HECW1: variants seen among roughly 807,000 people sequenced by gnomAD.
HECW1 encodes the protein E3 ubiquitin-protein ligase HECW1.
HECW1 carries 61 observed loss-of-function variants against 182.3 expected under a neutral mutation model. The ratio of observed to expected loss-of-function variants is 0.33; its 90% CI spans 0.27 to 0.41. HECW1 has a LOEUF of 0.41. Ranked by LOEUF, HECW1 falls within the 10% of genes least tolerant of loss-of-function variation. The pLI is 1.00. For synonymous variants in HECW1, 859 were observed against 832.6 expected, an observed-to-expected ratio of 1.03 and a Z score of -0.55; for missense variants, 1,739 against 2,108.9, an observed-to-expected ratio of 0.82 and a Z score of 3.44.
At chr7:43,473,126 T>A (rs2078085743) in intron 16 of HECW1, among the ~76,000 whole-genome samples, 1 of 152,168 alleles carries the variant, frequency 6.6e-6, no homozygotes, top group Non-Finnish European at 1.5e-5. Context: ...TAGAGCTGGT[T>A]GTTAAAAACA....
At chr7:43,501,166 C>G in intron 20 of HECW1, 47 bp from the exon 21 acceptor site, 1 of 1,166,252 alleles carries the variant, frequency 8.6e-7, no homozygotes, top group Non-Finnish European at 1.2e-6. Flanking sequence ...GGATGTAAAA[C>G]TGACTTTCTT....
At position 43,322,892 on chromosome 7, in the gene HECW1, G is replaced by A. The variant is rs1423560197; in HGVS notation, c.460+2150G>A. On this transcript the variant is annotated intron_variant, in intron 5 of 29. Transcript: ENST00000395891. ...AATAGACATAAGAACCCATTTTAAG[G>A]TCACAGTAAAGTAGCAGTTCTCAAT... Among the ~76,000 whole-genome samples, 5 of 152,274 alleles carry A rather than the reference G, an allele frequency of 3.3e-5. No homozygotes were observed. In the East Asian group the frequency reaches 9.6e-4, roughly 29 times the overall value.
rs2076998390 is a variant in HECW1, at chr7:43,444,912, G to A, written c.1740G>A (p.Glu580=). The A allele has an allele frequency of 1.3e-6, 2 of 1,599,516 alleles. No individual in the cohort carries two copies. The highest frequency in any genetic ancestry group is 1.7e-5 in the Admixed American group (1 of 59,182). Residue 580 remains glutamate, a synonymous_variant, in exon 11 of 30, where the codon GAG becomes GAA. Transcript: ENST00000395891. This position sits in a 1 kb window ranked among gnomAD's most constrained non-coding sequence, Gnocchi z 4.3. ...CCGCCCAGGGCGGCAGCGCGGCAGA[G>A]GAGGAGGACGGCGCGGAGGAGGAGT... is the stretch of plus-strand genomic sequence containing the variant. ...MPSAQGGSAA[E]EEDGAEEEST...
chr7:43,165,704 T>C (rs1166922744), intron 2 of HECW1, among the ~76,000 whole-genome samples: 1 of 152,186 alleles, frequency 6.6e-6, no homozygotes, highest in Non-Finnish European at 1.5e-5. Context: ...AGTAATAGTT[T>C]CCTTACAATC....
At chr7:43,513,515 T>C (rs1011877985) in intron 24 of HECW1, among the ~76,000 whole-genome samples, 5 of 152,176 alleles carry the variant, frequency 3.3e-5, no homozygotes, top group Non-Finnish European at 7.3e-5. Flanking sequence ...TTTGTATCCA[T>C]TGGAATAGAG....
intron 8 of HECW1, among the ~76,000 whole-genome samples, chr7:43,424,837 T>A (rs1044703741): frequency 1.3e-5 from 2 of 152,168 alleles, no homozygotes; most frequent in Non-Finnish European, 2.9e-5. Flanking sequence ...TAATCCCACA[T>A]TTTCTGGGAT....
intron 2 of HECW1, among the ~76,000 whole-genome samples, chr7:43,208,058 C>T (rs1346199804): frequency 6.6e-6 from 1 of 152,216 alleles, no homozygotes. Context: ...TCCCTTCAAA[C>T]ATCGCTCCTC....
At chr7:43,326,465 T>C (rs968105341) in intron 5 of HECW1, among the ~76,000 whole-genome samples, 2 of 152,128 alleles carry the variant, frequency 1.3e-5, no homozygotes, top group Non-Finnish European at 2.9e-5. Context: ...TGTTTCTTCA[T>C]CTATAAAATG....
chr7:43,431,813 C>T (rs536636793), intron 8 of HECW1, among the ~76,000 whole-genome samples: 1 of 152,262 alleles, frequency 6.6e-6, no homozygotes, highest in East Asian at 1.9e-4. Context: ...TGAACTTCAG[C>T]CCCTGCCCAT....
chr7:43,186,917 C>T (rs868408174), intron 2 of HECW1, among the ~76,000 whole-genome samples: 113 of 152,290 alleles, frequency 7.4e-4, no homozygotes, highest in African/African-American at 2.6e-3. Flanking sequence ...GTTCACACAA[C>T]GATGCATTTC....
intron 21 of HECW1, among the ~76,000 whole-genome samples, chr7:43,503,808 A>G (rs546564461): frequency 6.6e-6 from 1 of 152,344 alleles, no homozygotes; most frequent in East Asian, 1.9e-4. Flanking sequence ...CATCATGGGG[A>G]CAGGTGATAG....
intron 2 of HECW1, among the ~76,000 whole-genome samples, chr7:43,156,118 T>C (rs1380008176): frequency 6.6e-6 from 1 of 152,176 alleles, no homozygotes; most frequent in Non-Finnish European, 1.5e-5. Flanking sequence ...TAATTGGAAG[T>C]TTTTTAAAAA....
intron 7 of HECW1, among the ~76,000 whole-genome samples, chr7:43,401,907 C>T (rs2075429158): frequency 6.6e-6 from 1 of 151,754 alleles, no homozygotes; most frequent in Non-Finnish European, 1.5e-5. Flanking sequence ...GCTCCACAAG[C>T]AGATGAGCAG....
intron 16 of HECW1, 144 bp from the exon 17 acceptor site, chr7:43,479,466 A>T: frequency 2.0e-6 from 2 of 982,190 alleles, no homozygotes; most frequent in Non-Finnish European, 3.0e-6. Context: ...AGTTTTGAGT[A>T]GATTAAAAAA....
At chr7:43,560,172 T>C (rs2082164050) in intron 29 of HECW1, among the ~76,000 whole-genome samples, 1 of 152,216 alleles carries the variant, frequency 6.6e-6, no homozygotes, top group South Asian at 2.1e-4. Context: ...CATAGCCCAA[T>C]GTATGTTCTA....
Position 43,496,561 on chromosome 7 carries a change from T to G in HECW1, c.3437+3381T>G, listed in dbSNP as rs541786369. On this transcript the variant is annotated intron_variant, in intron 19 of 29. Transcript: ENST00000395891. ...CATGTCAGGGTGAGTCAGATCCACT[T>G]TGAAGGTTCAGGAGTTGAAGAGAAT... Among the ~76,000 whole-genome samples, 4 of 152,136 alleles carry G rather than the reference T, an allele frequency of 2.6e-5. No homozygotes were observed. The South Asian group carries it at 8.3e-4, about 32-fold the overall frequency.
In HECW1 at chr7:43,562,887, C is replaced by T. The variant is rs1055209208; in HGVS notation, c.*961C>T. 4.2e-5 allele frequency: 9 copies of T among 216,658 alleles called. No homozygotes were observed. The East Asian group carries it at 6.1e-4, about 15-fold the overall frequency. The allele number at this position is 216,658 out of a possible 1,614,324, so 13.4% of individuals were successfully genotyped here. On this transcript the variant is annotated 3_prime_UTR_variant, in exon 30 of 30. Transcript: ENST00000395891. ...TGTTCTGTTTTGTTTAGTCTAGCCA[C>T]AGTTCTTCACAAAGGAAAAAAAAAT...
At chr7:43,454,039 C>T (rs1282107507) in intron 12 of HECW1, among the ~76,000 whole-genome samples, 1 of 152,162 alleles carries the variant, frequency 6.6e-6, no homozygotes, top group African/African-American at 2.4e-5. Context: ...CAAAAGAGCC[C>T]AGCTGTTTGG....
At chr7:43,492,904 T>G (rs542762197) in intron 18 of HECW1, among the ~76,000 whole-genome samples, 180 bp from the exon 19 acceptor site, 1 of 152,312 alleles carries the variant, frequency 6.6e-6, no homozygotes, top group Admixed American at 6.5e-5. Context: ...CCTTAAAAAA[T>G]TATAATGTTA....
Sources: allele counts gnomAD v4.1 joint callset (sites outside exome capture counted in the v4.1 genomes callset), GRCh38; gene constraint gnomAD v4.1.1; non-coding constraint Gnocchi (gnomAD v3.1); transcripts MANE v1.5; gene names NCBI Gene and HGNC (gene_info 2026-07-23, HGNC 2026-07-21).